The following STOX2 variants were observed in gnomAD, a reference collection of about 807,000 sequenced individuals.
The protein encoded by STOX2 is storkhead box 2, also known as storkhead-box protein 2.
STOX2 carries 28 observed loss-of-function variants against 60.9 expected under a neutral mutation model. The ratio of observed to expected loss-of-function variants is 0.46; its 90% CI spans 0.34 to 0.63. The LOEUF is 0.63. Among genes scored for constraint, STOX2 ranks in the 30% least tolerant of loss-of-function variants. The pLI, the probability that STOX2 is intolerant of heterozygous loss-of-function variation, is 0.01. For missense variants in STOX2, 1,024 were observed against 1,187.7 expected (o/e 0.86, Z 2.03); for synonymous variants, 472 against 463.9 (o/e 1.02, Z -0.22).
In STOX2 at chr4:183,856,779, C is replaced by G. The variant is rs1740295877; in HGVS notation, c.364+58724C>G. 6.6e-6 allele frequency among the ~76,000 whole-genome samples: 1 copy of G among 152,150 alleles called. No homozygotes were observed. The highest frequency in any genetic ancestry group is 2.4e-5 in the African/African-American group (1 of 41,430). Reference sequence around the variant, plus strand: ...AAAAATAGTCTTTTTTCAGTAGTGTCTGTTTAATAGTTACTGCATATATAT... The same window carrying G: ...AAAAATAGTCTTTTTTCAGTAGTGTGTGTTTAATAGTTACTGCATATATAT... On this transcript the variant is annotated intron_variant, in intron 1 of 2. Transcript: ENST00000513034. This position sits in a 1 kb window ranked among gnomAD's most constrained non-coding sequence, Gnocchi z 4.0.
intron 1 of STOX2, among the ~76,000 whole-genome samples, chr4:183,871,033 A>C (rs551277329): frequency 4.6e-4 from 70 of 152,296 alleles, no homozygotes; most frequent in African/African-American, 1.7e-3. Flanking sequence ...ATTATTTACG[A>C]CCTTTTTATT....
At position 183,951,229 on chromosome 4, in the gene STOX2, A is replaced by G. The variant is rs566638995; in HGVS notation, c.166+44273A>G. 2.2e-3 allele frequency among the ~76,000 whole-genome samples: 320 copies of G among 147,500 alleles called. 1 individual carries two copies. The highest frequency in any genetic ancestry group is 8.1e-3 in the African/African-American group (307 of 37,944). On this transcript the variant is annotated intron_variant, in intron 1 of 3. Transcript: ENST00000308497. ...GACTCCGTCTCAAAAAAAAAGAAAA[A>G]AAAAAAAAAGACAGTAGTGCAAAGG...
chr4:183,857,899 T>C (rs1283865846), intron 1 of STOX2, among the ~76,000 whole-genome samples: 1 of 152,140 alleles, frequency 6.6e-6, no homozygotes, highest in Non-Finnish European at 1.5e-5. Context: ...ATAATGATAA[T>C]TCATCCACTC....
Position 183,893,063 on chromosome 4 carries a change from G to A in STOX2, c.364+95008G>A, listed in dbSNP as rs902218834. The stretch of plus-strand genomic sequence containing the variant: ...ATATCCTTCGGAAACCAGTCTCTGA[G>A]ATTTTGGAACAAAATGTGTCCCACC... On this transcript the variant is annotated intron_variant, in intron 1 of 2. Transcript: ENST00000513034. Among the ~76,000 whole-genome samples, 149 of 151,910 alleles carry A rather than the reference G, an allele frequency of 9.8e-4. 2 individuals carry two copies. The highest frequency in any genetic ancestry group is 4.2e-4 in the South Asian group (2 of 4,810).
intron 1 of STOX2, among the ~76,000 whole-genome samples, chr4:183,844,725 G>C (rs577698635): frequency 1.3e-5 from 2 of 152,212 alleles, no homozygotes; most frequent in Non-Finnish European, 2.9e-5. Flanking sequence ...ATGAAAATGC[G>C]TGTAGATTGG....
chr4:184,006,387 G>A (rs931390682), intron 2 of STOX2, among the ~76,000 whole-genome samples: 7 of 152,010 alleles, frequency 4.6e-5, no homozygotes, highest in African/African-American at 1.5e-4. Flanking sequence ...CTGAGACTGC[G>A]GTGCAGAGGT....
intron 1 of STOX2, among the ~76,000 whole-genome samples, chr4:183,827,799 T>C (rs1241579974): frequency 6.6e-6 from 1 of 151,542 alleles, no homozygotes; most frequent in African/African-American, 2.4e-5. Context: ...GGAGGATTGC[T>C]TGAACCCAGT....
chr4:183,996,646 T>C (rs1733359222), intron 1 of STOX2, among the ~76,000 whole-genome samples: 1 of 152,214 alleles, frequency 6.6e-6, no homozygotes, highest in Admixed American at 6.5e-5. Flanking sequence ...ATGTTTATGT[T>C]GTGTTGAGAG....
intron 1 of STOX2, among the ~76,000 whole-genome samples, chr4:183,850,940 GA>G (rs1740108024): frequency 4.3e-5 from 6 of 139,484 alleles, no homozygotes; most frequent in Non-Finnish European, 7.7e-5. Context: ...AAGGATGAGG[GA>G]AAGGATGAGG....
In STOX2 at chr4:183,914,409, G is replaced by C. The variant is rs12509418; in HGVS notation, c.166+7453G>C. ...GCCGAGATTGTGCCACTGCACTCCA[G>C]CCTGGTTGACAGAAGGAGACCTTGT... On this transcript the variant is annotated intron_variant, in intron 1 of 3. Transcript: ENST00000308497. Among the ~76,000 whole-genome samples the C allele has an allele frequency of 4.5e-3, 692 of 152,320 alleles. 17 individuals are homozygous for C. The highest frequency in any genetic ancestry group is 0.036 in the Admixed American group (548 of 15,290).
At chr4:183,997,124 C>A (rs1448625400) in intron 1 of STOX2, among the ~76,000 whole-genome samples, 1 of 152,182 alleles carries the variant, frequency 6.6e-6, no homozygotes, top group Non-Finnish European at 1.5e-5. Context: ...ACCAAACGCA[C>A]ATGCACACAT....
At chr4:183,923,437 G>A (rs1742156729) in intron 1 of STOX2, among the ~76,000 whole-genome samples, 1 of 152,138 alleles carries the variant, frequency 6.6e-6, no homozygotes, top group South Asian at 2.1e-4. Flanking sequence ...TCTCTGTGTT[G>A]TCTGCTGCAC....
rs142716377 is a variant in STOX2 at position 183,880,372 on chromosome 4, G to A, written c.364+82317G>A. ...AAGTCTTCTTTTTCAGTTATTAGAC[G>A]ATTTGATTCTAAAGTATCCAGGTAT... is the stretch of plus-strand genomic sequence containing the variant. On this transcript the variant is annotated intron_variant, in intron 1 of 2. Coordinates refer to the STOX2 transcript ENST00000513034. Among the ~76,000 whole-genome samples, 258 of 151,824 alleles carry A rather than the reference G, an allele frequency of 1.7e-3. 3 individuals carry two copies. The highest frequency in any genetic ancestry group is 5.8e-3 in the African/African-American group (240 of 41,210).
rs1733594956 is a variant in STOX2 at position 184,001,586 on chromosome 4, C to T, written c.319+109C>T. ...TTAAAGAGAATAGGAAAACATTCTTCCCCAAAACTGACCCGAAGCTTTCCT... is the reference window on the plus strand; with the variant it reads ...TTAAAGAGAATAGGAAAACATTCTTTCCCAAAACTGACCCGAAGCTTTCCT... On this transcript the variant is annotated intron_variant, in intron 2 of 3. Coordinates refer to ENST00000308497, the MANE Select transcript of STOX2 (RefSeq NM_020225.3). The surrounding 1 kb of genome is among the most constrained non-coding windows in gnomAD (Gnocchi z 4.2). 1 of 1,084,262 alleles carries T rather than the reference C, an allele frequency of 9.2e-7. No homozygotes were observed. Among genetic ancestry groups the T allele is most frequent in the Non-Finnish European group, 1.3e-6 (1 of 796,724 alleles). 67.2% of individuals were successfully genotyped at this position (1,084,262 alleles called of 1,614,324 possible).
chr4:183,892,554 A>G (rs1186390166), intron 1 of STOX2, among the ~76,000 whole-genome samples: 3 of 152,190 alleles, frequency 2.0e-5, no homozygotes, highest in African/African-American at 7.2e-5. Flanking sequence ...TGCTGGGATT[A>G]CAGGCGTGAG....
chr4:183,810,648 C>T (rs1176994397), intron 1 of STOX2, among the ~76,000 whole-genome samples: 2 of 152,236 alleles, frequency 1.3e-5, no homozygotes, highest in Middle Eastern at 6.8e-3. Flanking sequence ...GTCCTTTGCC[C>T]TCATCAATGG....
chr4:184,010,126 C>T lies in STOX2; in HGVS notation c.1288C>T (p.Leu430Phe), dbSNP rs911844280. ...CATCATGCACAGCAACACAAACGTG[C>T]TCGAGTCCCACTTCCCCATGACACC... ...NFIMHSNTNVLESHFPMTPEW... is the reference protein window; with the variant it reads ...NFIMHSNTNVFESHFPMTPEW... Residue 430 changes from leucine (L) to phenylalanine (F), a missense_variant, in exon 3 of 4, where the codon CTC becomes TTC. Physicochemically the swap from Leu to Phe is conservative, Grantham distance 22 (BLOSUM62 0). Coordinates refer to ENST00000308497, the MANE Select transcript of STOX2 (RefSeq NM_020225.3). The surrounding 1 kb of genome is among the most constrained non-coding windows in gnomAD (Gnocchi z 4.5). The T allele has an allele frequency of 6.3e-7, 1 of 1,578,534 alleles. No homozygotes were observed. Among genetic ancestry groups the T allele is most frequent in the Non-Finnish European group, 8.6e-7 (1 of 1,161,600 alleles).
chr4:183,943,965 A>G (rs1158558419), intron 1 of STOX2, among the ~76,000 whole-genome samples: 1 of 152,230 alleles, frequency 6.6e-6, no homozygotes, highest in Non-Finnish European at 1.5e-5. Context: ...GCACTGTGCT[A>G]GGTGCTGTGG....
intron 1 of STOX2, among the ~76,000 whole-genome samples, chr4:183,832,179 AG>A (rs1174486296): frequency 9.9e-5 from 15 of 150,910 alleles, no homozygotes; most frequent in African/African-American, 3.4e-4. Context: ...TGGTAGAGAC[AG>A]GGTTTCACCA....
Sources: allele counts gnomAD v4.1 joint callset (sites outside exome capture counted in the v4.1 genomes callset), GRCh38; gene constraint gnomAD v4.1.1; non-coding constraint Gnocchi (gnomAD v3.1); transcripts MANE v1.5; gene names NCBI Gene and HGNC (gene_info 2026-07-23, HGNC 2026-07-21).